SCAPER: variants seen among roughly 807,000 people sequenced by gnomAD.
SCAPER encodes the protein S phase cyclin A-associated protein in the endoplasmic reticulum.
Under a neutral mutation model 182.2 loss-of-function variants are expected in SCAPER, and 98 were observed. The ratio of observed to expected loss-of-function variants is 0.54; its 90% CI spans 0.46 to 0.64. The LOEUF (loss-of-function observed/expected upper bound fraction) is 0.64. Among genes scored for constraint, SCAPER ranks in the 30% least tolerant of loss-of-function variants. The probability of loss-of-function intolerance (pLI) is 0.00; values close to 1 mark genes in which losing one functional copy is unlikely to be tolerated. For missense variants in SCAPER, 1,432 were observed against 1,690.0 expected, an observed-to-expected ratio of 0.85 and a Z score of 2.68; for synonymous variants, 605 against 564.6, an observed-to-expected ratio of 1.07 and a Z score of -1.01.
intron 17 of SCAPER, among the ~76,000 whole-genome samples, chr15:76,725,988 A>C (rs1278322038): frequency 6.6e-6 from 1 of 150,506 alleles, no homozygotes; most frequent in Non-Finnish European, 1.5e-5. Flanking sequence ...ACAACAACAA[A>C]AATAGAGAAA....
chr15:76,606,233 T>C lies in SCAPER; in HGVS notation c.2711+15531A>G, dbSNP rs533965618. Among the ~76,000 whole-genome samples the C allele has an allele frequency of 9.2e-5, 14 of 152,320 alleles. No individual in the cohort carries two copies. The East Asian group carries it at 2.1e-3, about 23-fold the overall frequency. ...TTGGTATGTTGTGTCTTTGTTCTCA[T>C]TGGTTTCAAAGAACATCTTTATTTC... On this transcript the variant is annotated intron_variant, in intron 22 of 31. Transcript: ENST00000563290.
chr15:76,755,443 A>G (rs2062362380), intron 14 of SCAPER, among the ~76,000 whole-genome samples: 1 of 152,212 alleles, frequency 6.6e-6, no homozygotes, highest in Non-Finnish European at 1.5e-5. Flanking sequence ...ATCACACACT[A>G]AAAGTAATCC....
intron 20 of SCAPER, among the ~76,000 whole-genome samples, chr15:76,701,191 T>A (rs763999620): frequency 2.0e-5 from 3 of 152,120 alleles, no homozygotes; most frequent in African/African-American, 4.8e-5. Context: ...CTTGAGTTGC[T>A]TAACAAATAT....
At chr15:76,841,663 T>A in intron 5 of SCAPER, 71 bp downstream of exon 5, 2 of 1,465,934 alleles carry the variant, frequency 1.4e-6, no homozygotes, top group Non-Finnish European at 1.9e-6. Flanking sequence ...AAAAAAAAGA[T>A]CAAGTCACAT....
intron 1 of SCAPER, among the ~76,000 whole-genome samples, chr15:76,897,239 T>C (rs1187831891): frequency 2.6e-5 from 4 of 152,220 alleles, no homozygotes; most frequent in African/African-American, 9.6e-5. Flanking sequence ...TTTCAGATTT[T>C]CTGATACATG....
chr15:76,393,990 C>T (rs908778186), intron 27 of SCAPER, among the ~76,000 whole-genome samples: 8 of 152,174 alleles, frequency 5.3e-5, no homozygotes, highest in South Asian at 2.1e-4. Flanking sequence ...CCATCCTCTC[C>T]GTACCTTAAA....
At chr15:76,412,930 G>C (rs1236846602) in intron 26 of SCAPER, among the ~76,000 whole-genome samples, 1 of 151,932 alleles carries the variant, frequency 6.6e-6, no homozygotes, top group African/African-American at 2.4e-5. Context: ...CTTTGTAGAG[G>C]TGTTGCTTTA....
At chr15:76,365,811 G>A (rs1330743257) in intron 29 of SCAPER, among the ~76,000 whole-genome samples, 1 of 152,136 alleles carries the variant, frequency 6.6e-6, no homozygotes, top group Non-Finnish European at 1.5e-5. Context: ...GAAATGAGGG[G>A]AGTTTGAATA....
intron 23 of SCAPER, among the ~76,000 whole-genome samples, chr15:76,549,075 C>T (rs1339213617): frequency 6.6e-6 from 1 of 152,060 alleles, no homozygotes; most frequent in Admixed American, 6.6e-5. Flanking sequence ...CCAGAATCTA[C>T]AAAGAACTCA....
At chr15:76,398,391 A>G (rs1409075489) in intron 27 of SCAPER, among the ~76,000 whole-genome samples, 1 of 152,190 alleles carries the variant, frequency 6.6e-6, no homozygotes, top group Non-Finnish European at 1.5e-5. Flanking sequence ...TTCCCCCTAC[A>G]AGCTTACAGA....
At chr15:76,581,326 T>C (rs2048255024) in intron 22 of SCAPER, among the ~76,000 whole-genome samples, 2 of 152,190 alleles carry the variant, frequency 1.3e-5, no homozygotes, top group Admixed American at 1.3e-4. Context: ...AGGTTAGTAT[T>C]ATCCTGATAC....
At chr15:76,637,515 A>G (rs576614822) in intron 21 of SCAPER, among the ~76,000 whole-genome samples, 4 of 148,400 alleles carry the variant, frequency 2.7e-5, no homozygotes, top group African/African-American at 9.9e-5. Flanking sequence ...TGGGCAAAAC[A>G]GTGAGACCCC....
At chr15:76,678,069 T>C (rs2057468687) in intron 20 of SCAPER, among the ~76,000 whole-genome samples, 1 of 152,042 alleles carries the variant, frequency 6.6e-6, no homozygotes, top group African/African-American at 2.4e-5. Context: ...TTTTAAATAT[T>C]ATAATAGAAT....
At chr15:76,860,418 G>A (rs900501186) in intron 3 of SCAPER, among the ~76,000 whole-genome samples, 1 of 152,112 alleles carries the variant, frequency 6.6e-6, no homozygotes, top group Non-Finnish European at 1.5e-5. Flanking sequence ...TCAAAACAAT[G>A]TTCTCTAAAA....
intron 23 of SCAPER, among the ~76,000 whole-genome samples, chr15:76,570,015 A>G (rs946714847): frequency 6.6e-6 from 1 of 152,136 alleles, no homozygotes. Flanking sequence ...TGTGCCAAAC[A>G]CTGCATTTGA....
intron 20 of SCAPER, among the ~76,000 whole-genome samples, chr15:76,692,696 G>GAAAAAAAA (rs71143354): frequency 4.0e-5 from 4 of 98,782 alleles, no homozygotes; most frequent in Non-Finnish European, 6.1e-5. Context: ...TTCAAAAAAA[G>GAAAAAAAA]AAAAAAAAAA....
chr15:76,491,995 AT>A (rs1157622138), intron 24 of SCAPER, among the ~76,000 whole-genome samples: 3 of 152,094 alleles, frequency 2.0e-5, no homozygotes, highest in African/African-American at 7.2e-5. Context: ...TTTAGTGTGT[AT>A]TTCTTAATGA....
At position 76,818,391 on chromosome 15, in the gene SCAPER, C is replaced by A. The variant is rs764960276; in HGVS notation, c.394-13758G>T. Among the ~76,000 whole-genome samples, 3 of 152,042 alleles carry A rather than the reference C, an allele frequency of 2.0e-5. No individual in the cohort carries two copies. In the South Asian group the frequency reaches 6.2e-4, roughly 32 times the overall value. On this transcript the variant is annotated intron_variant, in intron 5 of 31. Transcript: ENST00000563290. Reference sequence around the variant, plus strand: ...AAAACCTAGATGGTCTTGGATGCAACAATGAATTGTTAGATACAACACCAA... The same window carrying A: ...AAAACCTAGATGGTCTTGGATGCAAAAATGAATTGTTAGATACAACACCAA...
intron 20 of SCAPER, among the ~76,000 whole-genome samples, chr15:76,670,982 T>C (rs1027899202): frequency 6.6e-6 from 1 of 152,188 alleles, no homozygotes. Flanking sequence ...AGAAGCTTTT[T>C]CAACACTGAG....
Sources: allele counts gnomAD v4.1 joint callset (sites outside exome capture counted in the v4.1 genomes callset), GRCh38; gene constraint gnomAD v4.1.1; transcripts MANE v1.5; gene names NCBI Gene and HGNC (gene_info 2026-07-23, HGNC 2026-07-21).